Variants in ABTB3 observed in about 807,000 individuals in gnomAD.
ABTB3 encodes ankyrin repeat- and BTB/POZ domain-containing protein 3.
At chr12:107,581,293 G>A in the ABTB3 span, 2 of 1,419,742 alleles carry the variant, frequency 1.4e-6, no homozygotes, top group African/African-American at 1.5e-5. Flanking sequence ...ACTGCGAGCC[G>A]CGCCAGCTCA....
the ABTB3 span, among the ~76,000 whole-genome samples, chr12:107,624,201 T>A: frequency 6.6e-6 from 1 of 151,884 alleles, no homozygotes; most frequent in Non-Finnish European, 1.5e-5. Context: ...TGGGGTTTTT[T>A]TTTTTTTAAG....
chr12:107,509,092 C>A, the ABTB3 span, among the ~76,000 whole-genome samples: 1 of 152,168 alleles, frequency 6.6e-6, no homozygotes, highest in Non-Finnish European at 1.5e-5. Context: ...GTCCCAGGAG[C>A]TCCTTGATAC....
At chr12:107,453,416 C>T in the ABTB3 span, among the ~76,000 whole-genome samples, 1 of 152,050 alleles carries the variant, frequency 6.6e-6, no homozygotes, top group Non-Finnish European at 1.5e-5. Flanking sequence ...AATTGGGATT[C>T]GTTCCCCTAT....
the ABTB3 span, among the ~76,000 whole-genome samples, chr12:107,639,549 AG>A: frequency 4.6e-5 from 7 of 152,274 alleles, no homozygotes; most frequent in East Asian, 9.7e-4. Flanking sequence ...TTAGGAGGAC[AG>A]GGGGTGATGA....
At chr12:107,514,318 A>G in the ABTB3 span, among the ~76,000 whole-genome samples, 6 of 152,208 alleles carry the variant, frequency 3.9e-5, no homozygotes, top group Non-Finnish European at 7.3e-5. Flanking sequence ...TTTAGGACCC[A>G]TAAACCCTTT....
the ABTB3 span, among the ~76,000 whole-genome samples, chr12:107,557,477 T>C: frequency 2.2e-4 from 34 of 152,358 alleles, no homozygotes; most frequent in African/African-American, 7.0e-4. Flanking sequence ...CAGAACCTGC[T>C]TCTTAAATCT....
At chr12:107,451,616 T>C in the ABTB3 span, among the ~76,000 whole-genome samples, 1 of 152,146 alleles carries the variant, frequency 6.6e-6, no homozygotes. Context: ...GCCATTGGAA[T>C]CTTACCCCTG....
At chr12:107,410,988 C>T in the ABTB3 span, among the ~76,000 whole-genome samples, 2 of 152,118 alleles carry the variant, frequency 1.3e-5, no homozygotes, top group Non-Finnish European at 1.5e-5. Context: ...CCACTAGCCA[C>T]GTGTAGTTAC....
chr12:107,506,543 G>GA, the ABTB3 span, among the ~76,000 whole-genome samples: 69 of 148,520 alleles, frequency 4.6e-4, no homozygotes, highest in East Asian at 3.3e-3. Context: ...TAATAACCAT[G>GA]AAAAAAAAAA....
the ABTB3 span, among the ~76,000 whole-genome samples, chr12:107,393,248 C>T: frequency 2.1e-5 from 3 of 145,750 alleles, no homozygotes; most frequent in African/African-American, 7.6e-5. Flanking sequence ...CTAATGAGGT[C>T]ATGGGAAGAA....
the ABTB3 span, among the ~76,000 whole-genome samples, chr12:107,375,437 C>CATA: frequency 2.0e-5 from 3 of 151,354 alleles, no homozygotes; most frequent in Middle Eastern, 3.4e-3. Flanking sequence ...TCATCATCAT[C>CATA]ATCATCATCA....
chr12:107,607,692 T>A, the ABTB3 span, among the ~76,000 whole-genome samples: 6 of 152,200 alleles, frequency 3.9e-5, no homozygotes, highest in Middle Eastern at 3.4e-3. Context: ...TCCCAGCAGC[T>A]CCCCCTGGTG....
At chr12:107,635,379 C>T in the ABTB3 span, 2 of 1,613,886 alleles carry the variant, frequency 1.2e-6, no homozygotes, top group Middle Eastern at 1.7e-4. Context: ...CGGAAACAGA[C>T]CTCGCGCTTG....
the ABTB3 span, chr12:107,520,715 G>A: frequency 6.4e-7 from 1 of 1,560,232 alleles, no homozygotes. Flanking sequence ...ATGTCCTCAT[G>A]CCAACCCCTC....
the ABTB3 span, among the ~76,000 whole-genome samples, chr12:107,453,809 G>A: frequency 3.9e-5 from 6 of 152,204 alleles, no homozygotes; most frequent in Admixed American, 6.5e-5. Flanking sequence ...GGGTACCAAC[G>A]AGGAGATGAG....
chr12:107,391,304 T>G, the ABTB3 span, among the ~76,000 whole-genome samples: 4 of 152,354 alleles, frequency 2.6e-5, no homozygotes, highest in African/African-American at 9.6e-5. Context: ...GTGATGCTGC[T>G]GGATTTGAAT....
the ABTB3 span, among the ~76,000 whole-genome samples, chr12:107,577,050 C>T: frequency 2.6e-5 from 4 of 152,208 alleles, no homozygotes; most frequent in Non-Finnish European, 5.9e-5. Flanking sequence ...CTAATGGTAG[C>T]CACCTCTGAC....
the ABTB3 span, among the ~76,000 whole-genome samples, chr12:107,346,151 G>A: frequency 5.3e-5 from 8 of 152,316 alleles, no homozygotes; most frequent in Admixed American, 1.3e-4. Context: ...AAGGAATCTG[G>A]TAGTGAAAAC....
At chr12:107,398,739 T>C in the ABTB3 span, among the ~76,000 whole-genome samples, 1 of 152,210 alleles carries the variant, frequency 6.6e-6, no homozygotes, top group South Asian at 2.1e-4. Context: ...TTACATCTTA[T>C]ACAGGAGTCC....
Sources: allele counts gnomAD v4.1 joint callset (sites outside exome capture counted in the v4.1 genomes callset), GRCh38; gene constraint gnomAD v4.1.1; transcripts MANE v1.5; gene names NCBI Gene and HGNC (gene_info 2026-07-23, HGNC 2026-07-21).